KMT2B: variants seen among roughly 807,000 people sequenced by gnomAD.
KMT2B encodes histone-lysine N-methyltransferase 2B.
KMT2B carries 22 observed loss-of-function variants against 255.3 expected under a neutral mutation model. That is an observed-to-expected ratio of 0.09 (90% CI 0.06 to 0.12). The LOEUF (loss-of-function observed/expected upper bound fraction) is 0.12, where lower values mean the gene tolerates loss of function less well. Among genes scored for constraint, KMT2B ranks in the 10% least tolerant of loss-of-function variants. The probability of loss-of-function intolerance (pLI) is 1.00; values close to 1 mark genes in which losing one functional copy is unlikely to be tolerated. For missense variants in KMT2B, 3,149 were observed against 3,737.0 expected, an observed-to-expected ratio of 0.84 and a Z score of 4.10; for synonymous variants, 1,730 against 1,498.1, an observed-to-expected ratio of 1.15 and a Z score of -3.57.
chr19:35,718,298 G>A lies in KMT2B; in HGVS notation c.280G>A (p.Gly94Arg), dbSNP rs1969034660. 2 of 1,232,394 alleles carry A rather than the reference G, an allele frequency of 1.6e-6. No homozygotes were observed. Among genetic ancestry groups the A allele is most frequent in the East Asian group, 6.5e-5 (2 of 30,714 alleles). 76.3% of individuals were successfully genotyped at this position (1,232,394 alleles called of 1,614,324 possible). Residue 94 changes from glycine to arginine, a missense_variant, in exon 1 of 37, where the codon GGA (glycine) becomes AGA (arginine). Around this residue, in one of 18 missense-constraint regions of KMT2B, gnomAD observed 1,188 missense variants for 1,106.4 expected, o/e 1.07. Transcript: ENST00000420124. The surrounding 1 kb of genome is among the most constrained non-coding windows in gnomAD (Gnocchi z 5.0). ...WAGPRVQRGR[G>R]RGRGRGWGPS... ...CGGCCCGCGGGTCCAGCGGGGCCGG[G>A]GACGGGGTCGGGGCCGGGGCTGGGG...
chr19:35,725,793 G>A lies in KMT2B; in HGVS notation c.3860G>A (p.Arg1287Gln), dbSNP rs753408975. 15 of 1,590,342 alleles carry A rather than the reference G, an allele frequency of 9.4e-6. No homozygotes were observed. Among genetic ancestry groups the A allele is most frequent in the Admixed American group, 3.6e-5 (2 of 55,662 alleles). The change falls in exon 13 of 37, where the codon CGG becomes CAG. Residue 1287 changes from arginine (R) to glutamine (Q), a missense_variant. Coordinates refer to ENST00000420124, the MANE Select transcript of KMT2B (RefSeq NM_014727.3). The surrounding 1 kb of genome is among the most constrained non-coding windows in gnomAD (Gnocchi z 4.1). ...TGTCTGGGGCCCAGCTATCCAACCC[G>A]GGCCACGCGCAAACGGCGCCACTGG... ...PACLGPSYPT[R>Q]ATRKRRHWIC...
rs1969580317 is a variant in KMT2B at position 35,729,009 on chromosome 19, C to T, written c.4712C>T (p.Ala1571Val). 1 of 1,613,972 alleles carries T rather than the reference C, an allele frequency of 6.2e-7. No homozygotes were observed. The highest frequency in any genetic ancestry group is 1.3e-5 in the African/African-American group (1 of 75,024). The change falls in exon 21 of 37, where the codon GCC becomes GTC. Residue 1571 changes from alanine (A) to valine (V), a missense_variant. By Grantham distance (64) the Ala-to-Val change is moderately conservative. Coordinates refer to ENST00000420124, the MANE Select transcript of KMT2B (RefSeq NM_014727.3). Reference protein sequence around the residue: ...SAAFQGKDPAAFSHLEDPRQC... With the variant: ...SAAFQGKDPAVFSHLEDPRQC... ...GCATTCCAGGGCAAGGATCCGGCTGCCTTCTCACACCTGGAGGACCCCCGT... is the reference window on the plus strand; with the variant it reads ...GCATTCCAGGGCAAGGATCCGGCTGTCTTCTCACACCTGGAGGACCCCCGT...
rs917137399 is a variant in KMT2B, at chr19:35,736,912, G to A, written c.7298G>A (p.Gly2433Glu). ...AGCTCTGGCTCTGCTGTCTCCCCAG[G>A]GGCGTGGAGAACTCTGATCGAGAAA... Reference protein sequence around the residue: ...GFSVEAESLEGAWRTLIEKVQ... With the variant: ...GFSVEAESLEEAWRTLIEKVQ... Residue 2433 changes from glycine (G) to glutamate (E), a missense_variant and splice_region_variant, in exon 32 of 37, where the codon GGG becomes GAG. Physicochemically the swap from Gly to Glu is moderately conservative, Grantham distance 98. Around this residue, in one of 18 missense-constraint regions of KMT2B, gnomAD observed 103 missense variants for 200.7 expected, o/e 0.51. Coordinates refer to ENST00000420124, the MANE Select transcript of KMT2B (RefSeq NM_014727.3). 1 of 1,613,836 alleles carries A rather than the reference G, an allele frequency of 6.2e-7. No homozygotes were observed. Among genetic ancestry groups the A allele is most frequent in the Non-Finnish European group, 8.5e-7 (1 of 1,179,870 alleles).
At position 35,720,113 on chromosome 19, in the gene KMT2B, G is replaced by A; in HGVS notation, c.766G>A (p.Val256Met). 1 of 1,599,072 alleles carries A rather than the reference G, an allele frequency of 6.3e-7. No homozygotes were observed. The highest frequency in any genetic ancestry group is 8.5e-7 in the Non-Finnish European group (1 of 1,172,876). The part of the protein sequence containing the change: ...TIPKPEPPPP[V>M]VPVKHQTGSW... ...CCCCAAACCTGAGCCCCCACCTCCT[G>A]TGGTTCCAGTGAAACATCAGACTGG... The change falls in exon 3 of 37, where the codon GTG (valine) becomes ATG (methionine). Residue 256 changes from valine (V) to methionine (M), a missense_variant. Physicochemically the swap from Val to Met is conservative, Grantham distance 21. This residue lies in a region of KMT2B where 1,188 missense variants were observed against 1,106.4 expected (regional missense o/e 1.07). Transcript: ENST00000420124.
In KMT2B at chr19:35,720,291, A is replaced by C; in HGVS notation, c.944A>C (p.Lys315Thr). ...IKFVSRAKKV[K>T]MGQLSLGLES... ...TTTGTTTCAAGGGCCAAAAAAGTAA[A>C]GATGGGACAATTGTCCTTGGGACTC... is the stretch of plus-strand genomic sequence containing the variant. The change falls in exon 3 of 37, where the codon AAG becomes ACG. Residue 315 changes from lysine (K) to threonine (T), a missense_variant. Coordinates refer to ENST00000420124, the MANE Select transcript of KMT2B (RefSeq NM_014727.3). 2 of 1,613,460 alleles carry C rather than the reference A, an allele frequency of 1.2e-6. No homozygotes were observed. The highest frequency in any genetic ancestry group is 1.7e-6 in the Non-Finnish European group (2 of 1,179,792).
intron 8 of KMT2B, among the ~76,000 whole-genome samples, chr19:35,724,403 C>G (rs1490369886): frequency 6.6e-6 from 1 of 152,126 alleles, no homozygotes; most frequent in Admixed American, 6.6e-5. Context: ...GAGGCTGAGG[C>G]AGGAGGATCG....
Position 35,727,114 on chromosome 19 carries a change from G to T in KMT2B, c.4004-42G>T, listed in dbSNP as rs190688235. ...GAACAGAGACACTCAGGGCTGAGTGGGAACTCCAGCACCTCTGACTCCTTC... is the reference window on the plus strand; with the variant it reads ...GAACAGAGACACTCAGGGCTGAGTGTGAACTCCAGCACCTCTGACTCCTTC... On this transcript the variant is annotated intron_variant, in intron 14 of 36. Transcript: ENST00000420124. This position sits in a 1 kb window ranked among gnomAD's most constrained non-coding sequence, Gnocchi z 4.2. The T allele has an allele frequency of 1.6e-5, 22 of 1,407,566 alleles. No homozygotes were observed. In the African/African-American group the frequency reaches 2.7e-4, roughly 17 times the overall value. 87.2% of individuals were successfully genotyped at this position (1,407,566 alleles called of 1,614,324 possible).
intron 26 of KMT2B, among the ~76,000 whole-genome samples, chr19:35,731,266 C>G (rs955854896): frequency 6.6e-6 from 1 of 152,222 alleles, no homozygotes; most frequent in African/African-American, 2.4e-5. Context: ...GCTCAGCTCC[C>G]AAACCGGCCC....
rs751774010 is a variant in KMT2B at position 35,738,565 on chromosome 19, G to C, written c.*8G>C. The C allele has an allele frequency of 1.1e-5, 17 of 1,609,260 alleles. No individual in the cohort carries two copies. The highest frequency in any genetic ancestry group is 1.4e-5 in the Non-Finnish European group (17 of 1,176,578). ...CGTCGGTTCCTTAACTGAGGCCGTGGCTGCCCACCACGACCCCTCACACCT... is the reference window on the plus strand; with the variant it reads ...CGTCGGTTCCTTAACTGAGGCCGTGCCTGCCCACCACGACCCCTCACACCT... On this transcript the variant is annotated 3_prime_UTR_variant, in exon 37 of 37. Transcript: ENST00000420124. The surrounding 1 kb of genome is among the most constrained non-coding windows in gnomAD (Gnocchi z 8.7).
intron 30 of KMT2B, chr19:35,735,792 T>C (rs1485333860): frequency 1.3e-5 from 2 of 152,246 alleles, no homozygotes; most frequent in East Asian, 3.8e-4. Context: ...CCACAGCAGT[T>C]TTATCCTTCC....
rs752780080 is a variant in KMT2B, at chr19:35,723,750, C to T, written c.3077C>T (p.Thr1026Met). 7.8e-6 allele frequency: 12 copies of T among 1,540,374 alleles called. No homozygotes were observed. The highest frequency in any genetic ancestry group is 2.3e-5 in the East Asian group (1 of 44,042). Residue 1026 changes from threonine (T) to methionine (M), a missense_variant, in exon 8 of 37, where the codon ACG becomes ATG. Physicochemically the swap from Thr to Met is moderately conservative, Grantham distance 81 (BLOSUM62 -1). Around this residue, in one of 18 missense-constraint regions of KMT2B, gnomAD observed 50 missense variants for 71.9 expected, o/e 0.70. Coordinates refer to ENST00000420124, the MANE Select transcript of KMT2B (RefSeq NM_014727.3). The surrounding 1 kb of genome is among the most constrained non-coding windows in gnomAD (Gnocchi z 7.5). ...LAKKGRTIVK[T>M]LLPWDSDESP... ...CCCGCAGGCCGGACGATAGTGAAGA[C>T]GCTGTTGCCCTGGGATTCCGATGAA...
Position 35,720,413 on chromosome 19 carries a change from AAGC to A in KMT2B, c.1069_1071del (p.Gln357del). 6.4e-7 allele frequency: 1 copy of A among 1,565,654 alleles called. No individual in the cohort carries two copies. Among genetic ancestry groups the A allele is most frequent in the Non-Finnish European group, 8.7e-7 (1 of 1,154,684 alleles). Reference sequence around the variant, plus strand: ...ACAGGGAGGGAGCCCTTGCTGGAAAAAGCAGGAACAGAAGCTGGATGACGAGGA... The same window carrying A: ...ACAGGGAGGGAGCCCTTGCTGGAAAAAGGAACAGAAGCTGGATGACGAGGA... On this transcript the variant is annotated inframe_deletion, in exon 3 of 37. Coordinates refer to ENST00000420124, the MANE Select transcript of KMT2B (RefSeq NM_014727.3).
In KMT2B at chr19:35,722,556, T is replaced by C. The variant is rs1339968653; in HGVS notation, c.2572-12T>C. The C allele has an allele frequency of 1.3e-6, 2 of 1,599,666 alleles. No homozygotes were observed. Among genetic ancestry groups the C allele is most frequent in the African/African-American group, 1.3e-5 (1 of 74,774 alleles). On this transcript the variant is annotated splice_polypyrimidine_tract_variant and intron_variant, in intron 4 of 36. Transcript: ENST00000420124. ...CGCAAGCTGCCCACACACACTCCGA[T>C]TTCTCCCCCAGGGTCCCGAGTCCCC...
At position 35,723,180 on chromosome 19, in the gene KMT2B, C is replaced by T; in HGVS notation, c.2908C>T (p.Arg970Trp). 6.2e-7 allele frequency: 1 copy of T among 1,613,390 alleles called. No individual in the cohort carries two copies. Among genetic ancestry groups the T allele is most frequent in the Non-Finnish European group, 8.5e-7 (1 of 1,179,880 alleles). The change falls in exon 6 of 37, where the codon CGG becomes TGG. Residue 970 changes from arginine (R) to tryptophan (W), a missense_variant. Arg to Trp is a moderately radical substitution (Grantham distance 101). Around this residue, in one of 18 missense-constraint regions of KMT2B, gnomAD observed 132 missense variants for 174.7 expected, o/e 0.76. Transcript: ENST00000420124. This position sits in a 1 kb window ranked among gnomAD's most constrained non-coding sequence, Gnocchi z 7.5. ...KMRMARCGHC[R>W]GCLRVQDCGS... The stretch of plus-strand genomic sequence containing the variant: ...GCGCATGGCTCGATGTGGACACTGT[C>T]GGGGCTGCCTACGTGTGCAGGACTG...
In KMT2B at chr19:35,725,502, T is replaced by C. The variant is rs1459792182; in HGVS notation, c.3666T>C (p.Cys1222=). 1 of 1,611,516 alleles carries C rather than the reference T, an allele frequency of 6.2e-7. No individual in the cohort carries two copies. Among genetic ancestry groups the C allele is most frequent in the Non-Finnish European group, 8.5e-7 (1 of 1,179,896 alleles). The part of the protein sequence containing the change: ...LHELVFCQVC[C]DPFHPFCLEE... ...AGCTGGTGTTCTGTCAAGTCTGCTGTGACCCATTCCACCCATTCTGCCTGG... is the reference window on the plus strand; with the variant it reads ...AGCTGGTGTTCTGTCAAGTCTGCTGCGACCCATTCCACCCATTCTGCCTGG... Residue 1222 remains cysteine (C), a synonymous_variant, in exon 12 of 37, where the codon TGT becomes TGC. Coordinates refer to ENST00000420124, the MANE Select transcript of KMT2B (RefSeq NM_014727.3). This position sits in a 1 kb window ranked among gnomAD's most constrained non-coding sequence, Gnocchi z 4.1.
rs373804780 is a variant in KMT2B at position 35,732,290 on chromosome 19, G to A, written c.5741G>A (p.Arg1914His). 1.3e-5 allele frequency: 21 copies of A among 1,610,406 alleles called. No homozygotes were observed. Among genetic ancestry groups the A allele is most frequent in the South Asian group, 5.5e-5 (5 of 90,322 alleles). The change falls in exon 28 of 37, where the codon CGT becomes CAT. Residue 1914 changes from arginine to histidine, a missense_variant. Coordinates refer to ENST00000420124, the MANE Select transcript of KMT2B (RefSeq NM_014727.3). The part of the protein sequence containing the change: ...PDFPAPPRRS[R>H]RPSPLAPRPP... ...TTCCCAGCTCCCCCCAGACGTTCCC[G>A]TCGTCCCAGCCCTTTGGCTCCCAGG...
chr19:35,731,282 C>G (rs1204294686), intron 26 of KMT2B, among the ~76,000 whole-genome samples: 1 of 152,244 alleles, frequency 6.6e-6, no homozygotes, highest in African/African-American at 2.4e-5. Context: ...GGCCCCCTTA[C>G]AGCCACACTG....
Position 35,729,658 on chromosome 19 carries a change from G to A in KMT2B, c.4918-309G>A, listed in dbSNP as rs529699753. ...GTACAGAGAGACCTCAGGCACTCTC[G>A]GGCATTGGGGTGGTAGAGATTCCCA... On this transcript the variant is annotated intron_variant, in intron 22 of 36. Transcript: ENST00000420124. 2.0e-5 allele frequency among the ~76,000 whole-genome samples: 3 copies of A among 152,144 alleles called. No individual in the cohort carries two copies. In the South Asian group the frequency reaches 6.2e-4, roughly 32 times the overall value.
chr19:35,721,660 C>A lies in KMT2B; in HGVS notation c.2313C>A (p.Pro771=). The change falls in exon 3 of 37, where the codon CCC becomes CCA. Residue 771 remains proline (P), a synonymous_variant. Coordinates refer to ENST00000420124, the MANE Select transcript of KMT2B (RefSeq NM_014727.3). ...QPPPSPQQMP[P]LEKARIAGVG... is the part of the protein sequence containing the mutation. ...CGCCGTCACCACAGCAGATGCCTCC[C>A]CTGGAAAAAGCCCGGATTGCGGGCG... 6.2e-7 allele frequency: 1 copy of A among 1,613,248 alleles called. No individual in the cohort carries two copies. The highest frequency in any genetic ancestry group is 2.2e-5 in the East Asian group (1 of 44,816).
Sources: gnomAD v4.1 joint callset for allele counts (sites outside exome capture counted in the v4.1 genomes callset) on GRCh38, gnomAD v4.1.1 for gene constraint, gnomAD v4.1.1 regional missense constraint, Gnocchi (gnomAD v3.1) non-coding constraint, MANE v1.5 for transcripts, NCBI Gene and HGNC (gene_info 2026-07-23, HGNC 2026-07-21) for gene names.